Variants in CORO2B observed in about 807,000 individuals in gnomAD.
The protein encoded by CORO2B is coronin-2B.
A neutral mutation model predicts 58.8 loss-of-function variants in CORO2B; 26 were observed. That is an observed-to-expected ratio of 0.44 (90% CI 0.32 to 0.61). The LOEUF (loss-of-function observed/expected upper bound fraction) is 0.61, where lower values mean the gene tolerates loss of function less well. Ranked by LOEUF, CORO2B falls within the 20% of genes least tolerant of loss-of-function variation. The pLI, the probability that CORO2B is intolerant of heterozygous loss-of-function variation, is 0.04. For synonymous variants in CORO2B, 242 were observed against 253.8 expected (o/e 0.95, Z 0.44); for missense variants, 460 against 645.1 (o/e 0.71, Z 3.11).
At chr15:68,579,387 G>C (rs1595948828) in intron 1 of CORO2B, 110 bp downstream of exon 1, 1 of 1,073,400 alleles carries the variant, frequency 9.3e-7, no homozygotes, top group Non-Finnish European at 1.2e-6. Flanking sequence ...CCGGTGCCGG[G>C]AAGGTGCGGC....
chr15:68,583,478 A>T (rs1269201345), intron 1 of CORO2B, among the ~76,000 whole-genome samples: 1 of 152,012 alleles, frequency 6.6e-6, no homozygotes, highest in Non-Finnish European at 1.5e-5. Flanking sequence ...AGCAGGCACA[A>T]ATGTTTTGGC....
At chr15:68,523,845 A>C in the CORO2B span, among the ~76,000 whole-genome samples, 1 of 152,120 alleles carries the variant, frequency 6.6e-6, no homozygotes, top group Non-Finnish European at 1.5e-5. Flanking sequence ...CTTTCAAAGA[A>C]CTTCCTTTTT....
chr15:68,671,427 A>G (rs1010916160), intron 2 of CORO2B, among the ~76,000 whole-genome samples: 1 of 152,198 alleles, frequency 6.6e-6, no homozygotes, highest in Non-Finnish European at 1.5e-5. Context: ...TCAGTTTCCC[A>G]TATCAAAATC....
At chr15:68,702,187 A>T (rs1170714171) in intron 3 of CORO2B, among the ~76,000 whole-genome samples, 3 of 152,088 alleles carry the variant, frequency 2.0e-5, no homozygotes, top group African/African-American at 7.2e-5. Context: ...CCTGATTCCA[A>T]TTCTGAGTTT....
the CORO2B span, among the ~76,000 whole-genome samples, chr15:68,543,601 T>A: frequency 2.0e-5 from 3 of 152,112 alleles, no homozygotes; most frequent in Non-Finnish European, 2.9e-5. Flanking sequence ...GCAAGGCCAA[T>A]TTCCCAGGGG....
intron 2 of CORO2B, among the ~76,000 whole-genome samples, chr15:68,678,770 A>C (rs887909597): frequency 3.3e-5 from 5 of 152,162 alleles, no homozygotes; most frequent in Non-Finnish European, 7.4e-5. Flanking sequence ...TGCCCACACC[A>C]TGTCCCCTGG....
At chr15:68,570,224 A>G in the CORO2B span, among the ~76,000 whole-genome samples, 1 of 152,250 alleles carries the variant, frequency 6.6e-6, no homozygotes, top group Non-Finnish European at 1.5e-5. Flanking sequence ...TGTAAGTCAT[A>G]TAGCCTCTTC....
chr15:68,656,539 G>A (rs1566998015), intron 2 of CORO2B, among the ~76,000 whole-genome samples: 1 of 152,142 alleles, frequency 6.6e-6, no homozygotes, highest in East Asian at 1.9e-4. Context: ...CCATGTGTCA[G>A]ATGATTGATC....
intron 1 of CORO2B, among the ~76,000 whole-genome samples, chr15:68,586,274 G>A (rs1899554898): frequency 6.6e-6 from 1 of 152,158 alleles, no homozygotes; most frequent in East Asian, 1.9e-4. Flanking sequence ...TTATTCTCAG[G>A]AAGACAGAAA....
chr15:68,648,249 C>T (rs1474449558), intron 2 of CORO2B, among the ~76,000 whole-genome samples: 1 of 149,736 alleles, frequency 6.7e-6, no homozygotes, highest in Admixed American at 6.7e-5. Flanking sequence ...AGGAGAATTG[C>T]TTGAACCCGG....
At chr15:68,683,775 C>T (rs753539393) in intron 2 of CORO2B, among the ~76,000 whole-genome samples, 18 of 152,178 alleles carry the variant, frequency 1.2e-4, no homozygotes, top group Non-Finnish European at 2.6e-4. Flanking sequence ...TTGGTCAAGA[C>T]CACTGTCATC....
the CORO2B span, among the ~76,000 whole-genome samples, chr15:68,551,033 G>T: frequency 2.0e-5 from 3 of 152,106 alleles, no homozygotes; most frequent in African/African-American, 7.2e-5. Flanking sequence ...GCAGCACACT[G>T]GGTGTGTGTC....
chr15:68,722,589 GA>G (rs906938048), intron 11 of CORO2B, among the ~76,000 whole-genome samples: 1 of 152,070 alleles, frequency 6.6e-6, no homozygotes, highest in African/African-American at 2.4e-5. Context: ...CGGTTTTTTT[GA>G]CAAAAGTGGA....
At chr15:68,547,754 CCAGT>C in the CORO2B span, among the ~76,000 whole-genome samples, 1 of 152,178 alleles carries the variant, frequency 6.6e-6, no homozygotes, top group Non-Finnish European at 1.5e-5. Flanking sequence ...ATTTATCTTC[CCAGT>C]CAATTTAAAA....
the CORO2B span, among the ~76,000 whole-genome samples, chr15:68,569,256 G>A: frequency 6.6e-6 from 1 of 152,196 alleles, no homozygotes; most frequent in East Asian, 1.9e-4. Context: ...ACACAGAGTA[G>A]TTTCACTGCC....
chr15:68,627,910 C>T (rs1300227201), intron 1 of CORO2B, among the ~76,000 whole-genome samples: 6 of 151,998 alleles, frequency 3.9e-5, no homozygotes, highest in Non-Finnish European at 8.8e-5. Flanking sequence ...TGTAGAAGTT[C>T]GATGAGGCTC....
chr15:68,656,302 G>A (rs1456310020), intron 2 of CORO2B, among the ~76,000 whole-genome samples: 1 of 151,740 alleles, frequency 6.6e-6, no homozygotes, highest in Non-Finnish European at 1.5e-5. Flanking sequence ...TGTGACATCA[G>A]CATCACATAG....
the CORO2B span, among the ~76,000 whole-genome samples, chr15:68,550,094 C>T: frequency 6.6e-6 from 1 of 151,894 alleles, no homozygotes; most frequent in African/African-American, 2.4e-5. Flanking sequence ...TCCAAACCTG[C>T]GGAAGGTGGA....
At chr15:68,570,798 A>AGTT in the CORO2B span, among the ~76,000 whole-genome samples, 1 of 51,030 alleles carries the variant, frequency 2.0e-5, no homozygotes, top group South Asian at 8.3e-4. Context: ...CACTACACGT[A>AGTT]GTTTTTTTTT....
Sources: gnomAD v4.1 joint callset for allele counts (sites outside exome capture counted in the v4.1 genomes callset) on GRCh38, gnomAD v4.1.1 for gene constraint, MANE v1.5 for transcripts, NCBI Gene and HGNC (gene_info 2026-07-23, HGNC 2026-07-21) for gene names.